Variants in ATP13A5 observed in about 807,000 individuals in gnomAD.
The protein encoded by ATP13A5 is probable cation-transporting ATPase 13A5.
Under a neutral mutation model 150.2 loss-of-function variants are expected in ATP13A5, and 149 were observed. The ratio of observed to expected loss-of-function variants is 0.99; its 90% confidence interval spans 0.87 to 1.14. The LOEUF (loss-of-function observed/expected upper bound fraction) is 1.14, where lower values mean the gene tolerates loss of function less well. Among genes scored for constraint, ATP13A5 ranks in the 50% most tolerant of loss-of-function variants. ATP13A5 has a pLI of 0.00. For synonymous variants in ATP13A5, 497 were observed against 522.2 expected, an observed-to-expected ratio of 0.95 and a Z score of 0.66; for missense variants, 1,383 against 1,449.3, an observed-to-expected ratio of 0.95 and a Z score of 0.74.
chr3:193,288,244 G>A (rs1201159525), intron 26 of ATP13A5, among the ~76,000 whole-genome samples: 5 of 152,236 alleles, frequency 3.3e-5, no homozygotes, highest in East Asian at 1.9e-4. Flanking sequence ...CAGGGTTTGC[G>A]AGAATTCACT....
Position 193,285,411 on chromosome 3 carries a change from A to G in ATP13A5, c.3024-295T>C, listed in dbSNP as rs149149853. ...AAAGAGTAAATAGACCATGTCAATTAAACTGTGTGTGTGTGGTTTTCTCTT... is the reference window on the plus strand; with the variant it reads ...AAAGAGTAAATAGACCATGTCAATTGAACTGTGTGTGTGTGGTTTTCTCTT... On this transcript the variant is annotated intron_variant, in intron 26 of 29. Coordinates refer to ENST00000342358, the MANE Select transcript of ATP13A5 (RefSeq NM_198505.4). Among the ~76,000 whole-genome samples, 906 of 152,298 alleles carry G rather than the reference A, an allele frequency of 5.9e-3. 11 individuals carry two copies. Among genetic ancestry groups the G allele is most frequent in the African/African-American group, 0.021 (861 of 41,574 alleles).
intron 5 of ATP13A5, among the ~76,000 whole-genome samples, chr3:193,361,553 C>T (rs1713006888): frequency 1.3e-5 from 2 of 152,164 alleles, no homozygotes; most frequent in South Asian, 4.1e-4. Flanking sequence ...AGCAGACACT[C>T]TCTCTAAAAA....
chr3:193,340,174 T>C (rs1712062411), intron 9 of ATP13A5, among the ~76,000 whole-genome samples: 1 of 152,132 alleles, frequency 6.6e-6, no homozygotes, highest in South Asian at 2.1e-4. Context: ...CACGTGGAGG[T>C]TCTCTCCCTT....
At chr3:193,344,567 C>A (rs9824707) in intron 8 of ATP13A5, among the ~76,000 whole-genome samples, 2,850 of 152,244 alleles carry the variant, frequency 0.019, 107 homozygotes, top group African/African-American at 0.064. Context: ...GGCCCAGGTT[C>A]CAGATGGCAG....
chr3:193,281,658 AGTT>A (rs1197381739), intron 27 of ATP13A5, among the ~76,000 whole-genome samples: 1 of 152,204 alleles, frequency 6.6e-6, no homozygotes, highest in Non-Finnish European at 1.5e-5. Context: ...ATCAAAATAA[AGTT>A]GCTTGTATAT....
chr3:193,376,521 T>G (rs1347658981), intron 1 of ATP13A5, among the ~76,000 whole-genome samples: 1 of 152,166 alleles, frequency 6.6e-6, no homozygotes, highest in Non-Finnish European at 1.5e-5. Flanking sequence ...CAGGGGTCTC[T>G]TTTCTTTTTT....
chr3:193,276,811 G>A lies in ATP13A5; in HGVS notation c.3335C>T (p.Ser1112Leu), dbSNP rs762089471. 2.7e-5 allele frequency: 43 copies of A among 1,613,258 alleles called. 1 individual carries two copies. The highest frequency in any genetic ancestry group is 3.3e-4 in the Middle Eastern group (2 of 6,064). Residue 1112 changes from serine to leucine, a missense_variant, in exon 29 of 30, where the codon TCG (serine) becomes TTG (leucine). Coordinates refer to ENST00000342358, the MANE Select transcript of ATP13A5 (RefSeq NM_198505.4). ...TACCACCAAAATTAAAACCCTCCAC[G>A]ATGTTATGGTTGGGATCAACTGTTG... ...RGMELIPTITSWRVLILVVAL... is the reference protein window; with the variant it reads ...RGMELIPTITLWRVLILVVAL...
At chr3:193,373,503 T>A (rs1041156763) in intron 1 of ATP13A5, among the ~76,000 whole-genome samples, 1 of 148,748 alleles carries the variant, frequency 6.7e-6, no homozygotes. Flanking sequence ...AATGATAGCC[T>A]CAAACAATGA....
intron 26 of ATP13A5, among the ~76,000 whole-genome samples, chr3:193,288,191 A>G (rs2108824902): frequency 6.6e-6 from 1 of 152,286 alleles, no homozygotes; most frequent in Non-Finnish European, 1.5e-5. Context: ...AATGAAAACA[A>G]AGTATTTAGA....
intron 3 of ATP13A5, 129 bp from the exon 4 acceptor site, chr3:193,362,766 TTTCTTTCTTTC>T: frequency 4.3e-6 from 1 of 233,446 alleles, no homozygotes; most frequent in East Asian, 5.0e-5. Context: ...TCTTTCTTTC[TTTCTTTCTTTC>T]TTTCTTTCTT....
At chr3:193,350,881 T>A (rs1712537506) in intron 7 of ATP13A5, among the ~76,000 whole-genome samples, 186 bp downstream of exon 7, 1 of 152,200 alleles carries the variant, frequency 6.6e-6, no homozygotes. Context: ...AATCAGAGTT[T>A]GCAAAGACAT....
At chr3:193,339,169 T>C (rs1461012734) in intron 9 of ATP13A5, among the ~76,000 whole-genome samples, 1 of 152,160 alleles carries the variant, frequency 6.6e-6, no homozygotes, top group Non-Finnish European at 1.5e-5. Context: ...ATTTTGTTGA[T>C]CTTTTCAAAA....
intron 28 of ATP13A5, among the ~76,000 whole-genome samples, chr3:193,278,182 C>T (rs1459961856): frequency 6.6e-6 from 1 of 152,196 alleles, no homozygotes; most frequent in Non-Finnish European, 1.5e-5. Flanking sequence ...CCTTATTCAT[C>T]TTTGTAACTC....
chr3:193,335,120 T>C (rs752791596), intron 9 of ATP13A5, 21 bp from the exon 10 acceptor site: 4 of 1,611,996 alleles, frequency 2.5e-6, no homozygotes, highest in Non-Finnish European at 3.4e-6. Context: ...TTGTATTTTG[T>C]TGAATCTATG....
chr3:193,378,674 C>T lies in ATP13A5; in HGVS notation c.52G>A (p.Glu18Lys), dbSNP rs1713731224. 2 of 1,613,808 alleles carry T rather than the reference C, an allele frequency of 1.2e-6. No homozygotes were observed. Among genetic ancestry groups the T allele is most frequent in the Non-Finnish European group, 1.7e-6 (2 of 1,179,714 alleles). ...DHRALLNQGE[E>K]DELEVFGYRD... ...AAGGGAAGACTCACCAGTTCATCCTCCTCTCCCTGGTTGAGCAAAGCCCGA... is the reference window on the plus strand; with the variant it reads ...AAGGGAAGACTCACCAGTTCATCCTTCTCTCCCTGGTTGAGCAAAGCCCGA... The change falls in exon 1 of 30, where the codon GAG becomes AAG. Residue 18 changes from glutamate to lysine, a missense_variant. By Grantham distance (56) the Glu-to-Lys change is moderately conservative. Transcript: ENST00000342358.
intron 9 of ATP13A5, among the ~76,000 whole-genome samples, chr3:193,343,682 G>C (rs1211101268): frequency 6.6e-6 from 1 of 151,098 alleles, no homozygotes; most frequent in Non-Finnish European, 1.5e-5. Context: ...CCCACTAATT[G>C]GTCAATTAAT....
At chr3:193,363,150 T>G in intron 3 of ATP13A5, 86 bp downstream of exon 3, 26 of 1,430,800 alleles carry the variant, frequency 1.8e-5, no homozygotes, top group Non-Finnish European at 2.3e-5. Flanking sequence ...TCCAAAAGTG[T>G]GATATTCGGA....
chr3:193,292,162 A>G (rs1257290057), intron 25 of ATP13A5, among the ~76,000 whole-genome samples: 2 of 152,082 alleles, frequency 1.3e-5, no homozygotes, highest in Non-Finnish European at 2.9e-5. Context: ...AAGAAGGGGT[A>G]CACAGTGTGG....
intron 29 of ATP13A5, 151 bp from the exon 30 acceptor site, chr3:193,275,453 A>G: frequency 1.1e-6 from 1 of 906,126 alleles, no homozygotes; most frequent in South Asian, 1.7e-5. Context: ...AAGTTCTGGA[A>G]TTCTGCCCTT....
Sources: allele counts gnomAD v4.1 joint callset (sites outside exome capture counted in the v4.1 genomes callset), GRCh38; gene constraint gnomAD v4.1.1; transcripts MANE v1.5; gene names NCBI Gene and HGNC (gene_info 2026-07-23, HGNC 2026-07-21).